Variants in STK3 observed in about 807,000 individuals in gnomAD.
STK3 encodes serine/threonine kinase 3, also known as serine/threonine-protein kinase 3.
In STK3, 41 loss-of-function variants were observed where a neutral mutation model predicts 58.0. The observed-to-expected ratio is 0.71, with a 90% CI of 0.55 to 0.92. STK3 has a LOEUF of 0.92. Among genes scored for constraint, STK3 ranks in the 40% least tolerant of loss-of-function variants. The pLI is 0.00. For synonymous variants in STK3, 170 were observed against 191.0 expected, an observed-to-expected ratio of 0.89 and a Z score of 0.91; for missense variants, 479 against 602.7, an observed-to-expected ratio of 0.79 and a Z score of 2.15.
At chr8:98,444,154 C>A (rs923912258) in intron 1 of STK3, among the ~76,000 whole-genome samples, 1 of 152,118 alleles carries the variant, frequency 6.6e-6, no homozygotes, top group Non-Finnish European at 1.5e-5. Context: ...AAGTAGATAC[C>A]ATAATGCAAT....
chr8:98,721,582 CA>C (rs1410350004), intron 4 of STK3, among the ~76,000 whole-genome samples: 2 of 151,430 alleles, frequency 1.3e-5, no homozygotes, highest in Admixed American at 1.3e-4. Flanking sequence ...TTATTTAGAA[CA>C]TAGAGCTCAT....
At chr8:98,895,912 C>T (rs1838426417) in intron 1 of STK3, among the ~76,000 whole-genome samples, 1 of 152,144 alleles carries the variant, frequency 6.6e-6, no homozygotes, top group South Asian at 2.1e-4. Flanking sequence ...TTATTGAATA[C>T]TACTATGTCC....
Position 98,668,729 on chromosome 8 carries a change from T to C in STK3, c.684+37738A>G, listed in dbSNP as rs148839497. ...TAAAATAATCTCACTTGCATATAAT[T>C]ATAAAATTACTATACTCATCTATTG... On this transcript the variant is annotated intron_variant, in intron 6 of 10. Coordinates refer to ENST00000419617, the MANE Select transcript of STK3 (RefSeq NM_006281.4). Among the ~76,000 whole-genome samples the C allele has an allele frequency of 1.6e-3, 241 of 152,248 alleles. 1 individual carries two copies. The highest frequency in any genetic ancestry group is 5.5e-3 in the African/African-American group (228 of 41,550).
intron 6 of STK3, among the ~76,000 whole-genome samples, chr8:98,665,329 T>A (rs1273809339): frequency 6.6e-6 from 1 of 152,152 alleles, no homozygotes; most frequent in Non-Finnish European, 1.5e-5. Flanking sequence ...AAGTCAAAAT[T>A]TTAAAATGTC....
At chr8:98,382,402 G>T (rs74346336) in intron 1 of STK3, among the ~76,000 whole-genome samples, 7,035 of 152,230 alleles carry the variant, frequency 0.046, 468 homozygotes, top group East Asian at 0.16. Flanking sequence ...TGTTTAAAAG[G>T]CACACTTCCT....
intron 4 of STK3, among the ~76,000 whole-genome samples, chr8:98,748,606 C>A (rs1011871350): frequency 1.3e-5 from 2 of 151,892 alleles, no homozygotes; most frequent in African/African-American, 4.8e-5. Context: ...GATTACTCTT[C>A]CTATTCAAGA....
Position 98,658,129 on chromosome 8 carries a change from G to A in STK3, c.684+48338C>T, listed in dbSNP as rs1254084769. ...ATAAAGCTGCTGAACATATGAATTT[G>A]TATGATGGCATGAGCACAGACTATT... On this transcript the variant is annotated intron_variant, in intron 6 of 10. Coordinates refer to ENST00000419617, the MANE Select transcript of STK3 (RefSeq NM_006281.4). Among the ~76,000 whole-genome samples the A allele has an allele frequency of 2.0e-5, 3 of 151,958 alleles. No homozygotes were observed. In the South Asian group the frequency reaches 6.2e-4, roughly 32 times the overall value.
chr8:98,598,406 C>G, intron 6 of STK3: 1 of 985,266 alleles, frequency 1.0e-6, no homozygotes, highest in Non-Finnish European at 1.2e-6. Flanking sequence ...GCATGAACAC[C>G]GAGCATACAG....
chr8:98,409,559 T>C (rs999935916), intron 3 of STK3, among the ~76,000 whole-genome samples: 11 of 152,210 alleles, frequency 7.2e-5, no homozygotes, highest in Non-Finnish European at 1.2e-4. Context: ...GGGCTATCAG[T>C]TCAACCAAAA....
At chr8:98,918,888 A>T (rs1364531250) in intron 1 of STK3, among the ~76,000 whole-genome samples, 1 of 151,976 alleles carries the variant, frequency 6.6e-6, no homozygotes, top group Non-Finnish European at 1.5e-5. Context: ...GAACATGAAG[A>T]GGGGTCCTGG....
intron 1 of STK3, among the ~76,000 whole-genome samples, chr8:98,817,690 C>G (rs1834643736): frequency 6.6e-6 from 1 of 152,068 alleles, no homozygotes; most frequent in Admixed American, 6.6e-5. Flanking sequence ...TCCCCTCATT[C>G]CCCACATCTA....
At chr8:98,429,440 C>G in intron 3 of STK3, 4 of 1,517,806 alleles carry the variant, frequency 2.6e-6, no homozygotes, top group Non-Finnish European at 3.6e-6. Context: ...CCCTCCACCC[C>G]ACATTGCTGA....
At chr8:98,773,890 G>A (rs969971742) in intron 2 of STK3, among the ~76,000 whole-genome samples, 7 of 151,910 alleles carry the variant, frequency 4.6e-5, no homozygotes, top group East Asian at 1.9e-4. Flanking sequence ...TTCACCTTCC[G>A]GGTTCAAGCG....
chr8:98,739,170 G>A (rs1405882939), intron 4 of STK3, among the ~76,000 whole-genome samples: 7 of 152,264 alleles, frequency 4.6e-5, no homozygotes, highest in East Asian at 1.9e-4. Context: ...GCAGGGCACA[G>A]ACAAACAAAA....
intron 3 of STK3, among the ~76,000 whole-genome samples, chr8:98,418,193 T>G (rs1044675459): frequency 6.6e-6 from 1 of 152,212 alleles, no homozygotes. Context: ...ATTACAGGCA[T>G]GAGCCACTGT....
rs1407828991 is a variant in STK3 at position 98,574,148 on chromosome 8, A to C, written c.948+5516T>G. The stretch of plus-strand genomic sequence containing the variant: ...TGTTGGCTATAGGAACCAGAAAAGT[A>C]ACAGGAAAAGTAAAAAATGTACCTA... On this transcript the variant is annotated intron_variant, in intron 8 of 10. Coordinates refer to ENST00000419617, the MANE Select transcript of STK3 (RefSeq NM_006281.4). Among the ~76,000 whole-genome samples, 12 of 152,310 alleles carry C rather than the reference A, an allele frequency of 7.9e-5. No homozygotes were observed. The East Asian group carries it at 2.3e-3, about 29-fold the overall frequency.
intron 6 of STK3, among the ~76,000 whole-genome samples, chr8:98,613,039 A>G (rs1182333619): frequency 1.3e-5 from 2 of 152,194 alleles, no homozygotes; most frequent in African/African-American, 4.8e-5. Context: ...ACTTTCACTA[A>G]CCAGTGGAAA....
chr8:98,352,772 GA>G, the STK3 span, among the ~76,000 whole-genome samples: 40 of 147,152 alleles, frequency 2.7e-4, no homozygotes, highest in African/African-American at 7.5e-4. Flanking sequence ...TTACCTAAAA[GA>G]AAAAAAAAAC....
chr8:98,525,127 G>T (rs1271531104), intron 10 of STK3, among the ~76,000 whole-genome samples: 2 of 152,124 alleles, frequency 1.3e-5, no homozygotes, highest in Non-Finnish European at 2.9e-5. Flanking sequence ...AAGCAACATG[G>T]ATGGAACTGG....
Sources: gnomAD v4.1 joint callset for allele counts (sites outside exome capture counted in the v4.1 genomes callset) on GRCh38, gnomAD v4.1.1 for gene constraint, MANE v1.5 for transcripts, NCBI Gene and HGNC (gene_info 2026-07-23, HGNC 2026-07-21) for gene names.